The following RCAN1 variants were observed in gnomAD, a reference collection of about 807,000 sequenced individuals.
RCAN1 encodes calcipressin-1.
In RCAN1, 11 loss-of-function variants were observed where a neutral mutation model predicts 22.9. The observed-to-expected ratio is 0.48, with a 90% confidence interval of 0.30 to 0.79. The LOEUF is 0.79. Among genes scored for constraint, RCAN1 ranks in the 30% least tolerant of loss-of-function variants. The probability of loss-of-function intolerance (pLI) is 0.06; values close to 1 mark genes in which losing one functional copy is unlikely to be tolerated. For synonymous variants in RCAN1, 136 were observed against 142.3 expected (o/e 0.96, Z 0.32); for missense variants, 291 against 337.8 (o/e 0.86, Z 1.09).
intron 1 of RCAN1, among the ~76,000 whole-genome samples, chr21:34,544,290 G>A (rs1986044491): frequency 6.6e-6 from 1 of 152,218 alleles, no homozygotes; most frequent in South Asian, 2.1e-4. Flanking sequence ...TCTTTCTGAA[G>A]TCGGAGAAAG....
intron 1 of RCAN1, among the ~76,000 whole-genome samples, chr21:34,552,036 T>C (rs1056918278): frequency 6.6e-6 from 1 of 152,306 alleles, no homozygotes; most frequent in Non-Finnish European, 1.5e-5. Context: ...GTGATGTCTC[T>C]ATCAGGGTTC....
At chr21:34,528,738 G>T (rs1985214062) in intron 1 of RCAN1, among the ~76,000 whole-genome samples, 1 of 152,010 alleles carries the variant, frequency 6.6e-6, no homozygotes, top group Non-Finnish European at 1.5e-5. Context: ...TCTTCTCCTG[G>T]CATGCACCTG....
At chr21:34,519,784 G>A (rs763711470) in intron 3 of RCAN1, among the ~76,000 whole-genome samples, 22 of 152,112 alleles carry the variant, frequency 1.4e-4, no homozygotes, top group Non-Finnish European at 7.4e-5. Flanking sequence ...AGCGGCCCAG[G>A]AGAGCTTCCT....
intron 2 of RCAN1, 131 bp downstream of exon 2, chr21:34,523,406 G>A: frequency 1.2e-6 from 1 of 819,662 alleles, no homozygotes; most frequent in Non-Finnish European, 1.9e-6. Flanking sequence ...ATTCAGAGTA[G>A]GAATTTTGTC....
At chr21:34,571,241 C>A (rs1208774937) in intron 1 of RCAN1, among the ~76,000 whole-genome samples, 2 of 152,038 alleles carry the variant, frequency 1.3e-5, no homozygotes, top group African/African-American at 4.8e-5. Flanking sequence ...TGTGGTGAGC[C>A]GAGATCGTAC....
intron 1 of RCAN1, among the ~76,000 whole-genome samples, chr21:34,557,456 T>G (rs1986623825): frequency 6.6e-6 from 1 of 152,164 alleles, no homozygotes; most frequent in Non-Finnish European, 1.5e-5. Context: ...GTCACGTGAT[T>G]GCTCAAGTCG....
chr21:34,523,486 A>G, intron 2 of RCAN1, 51 bp downstream of exon 2: 1 of 1,583,308 alleles, frequency 6.3e-7, no homozygotes, highest in Non-Finnish European at 8.6e-7. Context: ...TGCTTTACAA[A>G]AGGGAGGGAG....
intron 3 of RCAN1, among the ~76,000 whole-genome samples, chr21:34,519,587 C>T (rs372849368): frequency 1.1e-4 from 17 of 151,934 alleles, no homozygotes; most frequent in African/African-American, 1.7e-4. Flanking sequence ...TTAGTAGAGA[C>T]GAGGTTTCAC....
intron 1 of RCAN1, among the ~76,000 whole-genome samples, chr21:34,530,168 C>A (rs1985302752): frequency 6.6e-6 from 1 of 152,156 alleles, no homozygotes; most frequent in Non-Finnish European, 1.5e-5. Flanking sequence ...TAAAACTGAA[C>A]CCAGAAGTTA....
intron 1 of RCAN1, among the ~76,000 whole-genome samples, chr21:34,586,062 A>T (rs1048124738): frequency 1.3e-5 from 2 of 152,220 alleles, no homozygotes; most frequent in Middle Eastern, 3.2e-3. Context: ...TAGCAGGACA[A>T]AAAGGAGAAA....
intron 1 of RCAN1, among the ~76,000 whole-genome samples, chr21:34,530,305 T>C (rs945063945): frequency 6.6e-6 from 1 of 152,238 alleles, no homozygotes; most frequent in African/African-American, 2.4e-5. Context: ...ACAGTTTCCA[T>C]TAGGAAGTTT....
At chr21:34,581,729 T>A (rs1177676472) in intron 1 of RCAN1, among the ~76,000 whole-genome samples, 1 of 152,048 alleles carries the variant, frequency 6.6e-6, no homozygotes, top group Non-Finnish European at 1.5e-5. Context: ...TGCATGAAAG[T>A]TTTAATACCG....
intron 1 of RCAN1, among the ~76,000 whole-genome samples, chr21:34,593,444 G>A (rs769361974): frequency 1.2e-4 from 19 of 152,148 alleles, no homozygotes; most frequent in Non-Finnish European, 2.6e-4. Flanking sequence ...AAAAAGACTT[G>A]GCTTATATGA....
intron 1 of RCAN1, among the ~76,000 whole-genome samples, chr21:34,554,559 C>A (rs187807731): frequency 5.3e-5 from 8 of 152,092 alleles, no homozygotes; most frequent in Admixed American, 2.0e-4. Context: ...TGATCACATG[C>A]GTCTTGGTGT....
intron 1 of RCAN1, among the ~76,000 whole-genome samples, chr21:34,590,767 G>C (rs1987945178): frequency 6.6e-6 from 1 of 152,220 alleles, no homozygotes; most frequent in Non-Finnish European, 1.5e-5. Flanking sequence ...GATTACAAGA[G>C]GACTAGAAGA....
chr21:34,595,408 C>A (rs1988113027), intron 1 of RCAN1, among the ~76,000 whole-genome samples: 1 of 152,214 alleles, frequency 6.6e-6, no homozygotes, highest in African/African-American at 2.4e-5. Context: ...ACAGAAGCAA[C>A]ACCCGCAGAA....
chr21:34,559,676 T>G (rs374489123), intron 1 of RCAN1: 1 of 152,202 alleles, frequency 6.6e-6, no homozygotes, highest in African/African-American at 2.4e-5. Flanking sequence ...ACCTACACTT[T>G]GCAGTTTACA....
At chr21:34,531,736 C>G (rs537220474) in intron 1 of RCAN1, among the ~76,000 whole-genome samples, 1 of 152,220 alleles carries the variant, frequency 6.6e-6, no homozygotes, top group African/African-American at 2.4e-5. Flanking sequence ...TATGTTCCTC[C>G]AAGACAAATG....
At chr21:34,534,783 GCCA>G (rs968990863) in intron 1 of RCAN1, among the ~76,000 whole-genome samples, 6 of 152,324 alleles carry the variant, frequency 3.9e-5, no homozygotes, top group Admixed American at 2.6e-4. Context: ...GTGCTTGAGG[GCCA>G]CATGTGTGCT....
Sources: allele counts gnomAD v4.1 joint callset (sites outside exome capture counted in the v4.1 genomes callset), GRCh38; gene constraint gnomAD v4.1.1; transcripts MANE v1.5; gene names NCBI Gene and HGNC (gene_info 2026-07-23, HGNC 2026-07-21).